Variants in PAM observed in about 807,000 individuals in gnomAD.
The protein encoded by PAM is peptidyl-glycine alpha-amidating monooxygenase.
A neutral mutation model predicts 122.1 loss-of-function variants in PAM; 72 were observed. The ratio of observed to expected loss-of-function variants is 0.59; its 90% CI spans 0.49 to 0.72. The LOEUF is 0.72. Ranked by LOEUF, PAM falls within the 30% of genes least tolerant of loss-of-function variation. PAM has a pLI of 0.00. For missense variants in PAM, 1,106 were observed against 1,183.7 expected (o/e 0.93, Z 0.96); for synonymous variants, 389 against 404.4 (o/e 0.96, Z 0.46).
At chr5:102,916,270 G>C (rs1803061185) in intron 5 of PAM, among the ~76,000 whole-genome samples, 1 of 151,994 alleles carries the variant, frequency 6.6e-6, no homozygotes, top group African/African-American at 2.4e-5. Context: ...TTATTTCTAG[G>C]AGCTGGAAGT....
intron 23 of PAM, among the ~76,000 whole-genome samples, chr5:103,020,339 C>G (rs1339055855): frequency 6.6e-6 from 1 of 152,042 alleles, no homozygotes; most frequent in Admixed American, 6.6e-5. Flanking sequence ...TACTGAGGGC[C>G]TTTTGTGTGT....
Position 102,758,068 on chromosome 5 carries a change from ATTTTGTTTTT to A in PAM, c.-374+2725_-374+2734del, listed in dbSNP as rs574420566. On this transcript the variant is annotated intron_variant, in intron 1 of 25. Transcript: ENST00000438793. ...AAAAAAAAAAAAAAAAAGACTTAGA[ATTTTGTTTTT>A]TTTTTTTTTTTTTTTTTTTTTTTTT... Among the ~76,000 whole-genome samples, 780 of 87,542 alleles carry A rather than the reference ATTTTGTTTTT, an allele frequency of 8.9e-3. 37 individuals carry two copies. The highest frequency in any genetic ancestry group is 0.032 in the African/African-American group (737 of 23,024). The allele number at this position is 87,542 out of a possible 152,430, so 57.4% of individuals were successfully genotyped here.
At chr5:102,859,030 A>T (rs1442330939) in intron 1 of PAM, among the ~76,000 whole-genome samples, 5 of 152,190 alleles carry the variant, frequency 3.3e-5, no homozygotes, top group African/African-American at 1.2e-4. Context: ...AGTCACATAA[A>T]AGTCTGGCAC....
intron 1 of PAM, among the ~76,000 whole-genome samples, chr5:102,829,170 G>C (rs1471603954): frequency 1.3e-5 from 2 of 151,984 alleles, no homozygotes; most frequent in Non-Finnish European, 2.9e-5. Flanking sequence ...CAACTGTTGG[G>C]ATACAGGTTG....
In PAM at chr5:102,757,595, C is replaced by T. The variant is rs1580702138; in HGVS notation, c.-374+2247C>T. Among the ~76,000 whole-genome samples the T allele has an allele frequency of 2.0e-5, 3 of 152,096 alleles. No individual in the cohort carries two copies. In the East Asian group the frequency reaches 5.8e-4, roughly 29 times the overall value. ...CTTCCTTCAACTGTATGTTGTGGTTCCCACATACAGTTTTTTTCTCAACTC... is the reference window on the plus strand; with the variant it reads ...CTTCCTTCAACTGTATGTTGTGGTTTCCACATACAGTTTTTTTCTCAACTC... On this transcript the variant is annotated intron_variant, in intron 1 of 25. Coordinates refer to ENST00000438793, the MANE Select transcript of PAM (RefSeq NM_001177306.2).
In PAM at chr5:102,901,733, C is replaced by T. The variant is rs571856862; in HGVS notation, c.268+320C>T. Among the ~76,000 whole-genome samples the T allele has an allele frequency of 9.6e-4, 145 of 151,576 alleles. 1 individual carries two copies. Among genetic ancestry groups the T allele is most frequent in the Non-Finnish European group, 4.3e-4 (29 of 67,674 alleles). On this transcript the variant is annotated intron_variant, in intron 4 of 25. Coordinates refer to ENST00000438793, the MANE Select transcript of PAM (RefSeq NM_001177306.2). Reference sequence around the variant, plus strand: ...GGATGCTTAATTCCACTCCACTCAACAGACAGTTTATTTACCTGCTGGTTC... The same window carrying T: ...GGATGCTTAATTCCACTCCACTCAATAGACAGTTTATTTACCTGCTGGTTC...
intron 15 of PAM, among the ~76,000 whole-genome samples, chr5:102,983,414 C>T (rs527535624): frequency 1.8e-4 from 26 of 143,816 alleles, no homozygotes; most frequent in Non-Finnish European, 3.1e-4. Context: ...AGCACCACTG[C>T]ACTCCATCCT....
At chr5:103,019,486 A>G (rs1315154391) in intron 22 of PAM, among the ~76,000 whole-genome samples, 1 of 152,128 alleles carries the variant, frequency 6.6e-6, no homozygotes, top group Non-Finnish European at 1.5e-5. Context: ...AGTCTAAGAT[A>G]TTGTCCACAT....
intron 12 of PAM, among the ~76,000 whole-genome samples, chr5:102,951,930 C>A (rs1416451708): frequency 1.3e-5 from 2 of 151,916 alleles, no homozygotes; most frequent in Non-Finnish European, 2.9e-5. Context: ...AAAAGACTGA[C>A]AAAGGAGGCA....
chr5:102,991,545 T>A (rs921305332), intron 16 of PAM, among the ~76,000 whole-genome samples: 6 of 152,178 alleles, frequency 3.9e-5, no homozygotes, highest in Non-Finnish European at 8.8e-5. Flanking sequence ...TGATTAAATT[T>A]ATGTTAAACC....
chr5:102,762,759 C>G (rs1377929887), intron 1 of PAM, among the ~76,000 whole-genome samples: 19 of 152,182 alleles, frequency 1.2e-4, no homozygotes, highest in African/African-American at 4.6e-4. Flanking sequence ...TTTTCTCAAG[C>G]TGCACATGAG....
chr5:102,895,437 CAT>C (rs1171644552), intron 3 of PAM, among the ~76,000 whole-genome samples: 1 of 151,622 alleles, frequency 6.6e-6, no homozygotes, highest in Non-Finnish European at 1.5e-5. Context: ...GGGAATTACT[CAT>C]ATATGTTTGC....
chr5:102,859,070 A>G (rs557722783), intron 1 of PAM, among the ~76,000 whole-genome samples: 57 of 152,320 alleles, frequency 3.7e-4, no homozygotes, highest in South Asian at 1.5e-3. Flanking sequence ...GTAATACTTG[A>G]TAAAGATAAT....
intron 16 of PAM, among the ~76,000 whole-genome samples, chr5:103,001,990 A>G (rs1777525445): frequency 6.6e-6 from 1 of 152,048 alleles, no homozygotes; most frequent in Non-Finnish European, 1.5e-5. Context: ...TATTGACTTG[A>G]TATGTATATT....
chr5:102,887,687 AT>A (rs1407735356), intron 3 of PAM, among the ~76,000 whole-genome samples: 1 of 151,804 alleles, frequency 6.6e-6, no homozygotes, highest in Non-Finnish European at 1.5e-5. Flanking sequence ...AATTACTTTA[AT>A]TTTTTTCCTT....
chr5:102,903,962 T>C (rs1165953053), intron 4 of PAM, among the ~76,000 whole-genome samples: 1 of 151,558 alleles, frequency 6.6e-6, no homozygotes, highest in African/African-American at 2.4e-5. Context: ...CAAACCATCT[T>C]AACAAAACAA....
chr5:102,851,902 TATC>T (rs1290802858), intron 1 of PAM, among the ~76,000 whole-genome samples: 20 of 152,260 alleles, frequency 1.3e-4, no homozygotes, highest in African/African-American at 4.8e-4. Context: ...TATTTAATAA[TATC>T]ATTCTTTCAT....
intron 8 of PAM, among the ~76,000 whole-genome samples, chr5:102,947,968 G>A (rs1343655734): frequency 1.3e-5 from 2 of 152,168 alleles, no homozygotes; most frequent in Non-Finnish European, 1.5e-5. Flanking sequence ...CAATTCACAG[G>A]CAGAATCCTT....
chr5:102,935,977 T>C (rs1753118161), intron 7 of PAM, among the ~76,000 whole-genome samples: 1 of 152,020 alleles, frequency 6.6e-6, no homozygotes, highest in Non-Finnish European at 1.5e-5. Context: ...AATTGGTAAT[T>C]TGCAGTGTTT....
Sources: gnomAD v4.1 joint callset for allele counts (sites outside exome capture counted in the v4.1 genomes callset) on GRCh38, gnomAD v4.1.1 for gene constraint, MANE v1.5 for transcripts, NCBI Gene and HGNC (gene_info 2026-07-23, HGNC 2026-07-21) for gene names.